The following MIB1 variants were observed in gnomAD, a reference collection of about 807,000 sequenced individuals.
MIB1 encodes MIB E3 ubiquitin protein ligase 1.
In MIB1, 278 loss-of-function variants were observed where a neutral mutation model predicts 124.5. That is an observed-to-expected ratio of 2.23 (90% confidence interval 2.02 to 2.47). The LOEUF (loss-of-function observed/expected upper bound fraction) is 2.47. MIB1 is among the 30% of genes most tolerant of loss of function. MIB1 has a pLI of 0.00. For missense variants in MIB1, 957 were observed against 1,254.4 expected (o/e 0.76, Z 3.58); for synonymous variants, 446 against 429.4 (o/e 1.04, Z -0.48).
intron 20 of MIB1, among the ~76,000 whole-genome samples, chr18:21,863,222 C>G (rs546164926): frequency 4.9e-4 from 74 of 152,328 alleles, no homozygotes; most frequent in Middle Eastern, 6.8e-3. Flanking sequence ...AGAGTGCTCT[C>G]TTAGTTCTGC....
intron 4 of MIB1, among the ~76,000 whole-genome samples, chr18:21,774,324 C>T (rs962931289): frequency 2.6e-5 from 4 of 152,184 alleles, no homozygotes; most frequent in Non-Finnish European, 4.4e-5. Context: ...CACGGTGGCT[C>T]ACGCCTGTAA....
chr18:21,766,663 T>C (rs994353614), intron 2 of MIB1, among the ~76,000 whole-genome samples: 5 of 151,336 alleles, frequency 3.3e-5, no homozygotes, highest in Non-Finnish European at 7.4e-5. Context: ...ATCGTGCCAC[T>C]TATTAACTGA....
intron 4 of MIB1, among the ~76,000 whole-genome samples, chr18:21,774,838 A>G (rs1428612069): frequency 6.6e-6 from 1 of 150,430 alleles, no homozygotes; most frequent in Non-Finnish European, 1.5e-5. Context: ...TTTGAGGCAG[A>G]GTCTCGCTGT....
chr18:21,820,870 G>T (rs1568215010), intron 12 of MIB1, among the ~76,000 whole-genome samples: 1 of 152,172 alleles, frequency 6.6e-6, no homozygotes, highest in East Asian at 1.9e-4. Context: ...CTTGAGCAAG[G>T]TCTAGGTGAC....
At chr18:21,854,870 G>A (rs2042213314) in intron 18 of MIB1, 1 of 213,726 alleles carries the variant, frequency 4.7e-6, no homozygotes, top group East Asian at 1.0e-4. Context: ...TGCAGACATT[G>A]GTGCTTTCCC....
In MIB1 at chr18:21,765,868, GCA is replaced by G. The variant is rs1791024629; in HGVS notation, c.329_330del (p.Thr110SerfsTer7). The G allele has an allele frequency of 1.2e-6, 2 of 1,613,562 alleles. No individual in the cohort carries two copies. Among genetic ancestry groups the G allele is most frequent in the Non-Finnish European group, 1.7e-6 (2 of 1,179,584 alleles). ...GCAGAGTGTACAAATTATGATTTGT[GCA>G]CAGTGTGTTATCATGGAGATAAACA... On this transcript the variant is annotated frameshift_variant, in exon 2 of 21. Transcript: ENST00000261537. LOFTEE classifies it high-confidence loss of function.
At chr18:21,777,951 A>G (rs1031730633) in intron 4 of MIB1, 152 bp from the exon 5 acceptor site, 3 of 563,048 alleles carry the variant, frequency 5.3e-6, no homozygotes, top group Non-Finnish European at 9.4e-6. Context: ...TTTTACAAGT[A>G]CTTTTGAAAG....
At chr18:21,780,037 C>G (rs753129363) in intron 6 of MIB1, among the ~76,000 whole-genome samples, 3 of 152,184 alleles carry the variant, frequency 2.0e-5, no homozygotes, top group Non-Finnish European at 4.4e-5. Flanking sequence ...CTATATCAGT[C>G]TACCCTGAAT....
intron 1 of MIB1, among the ~76,000 whole-genome samples, chr18:21,710,026 TGAA>T (rs1173316592): frequency 6.6e-6 from 1 of 152,222 alleles, no homozygotes; most frequent in East Asian, 1.9e-4. Context: ...ACCTTTGTGA[TGAA>T]GAAACAAAGA....
chr18:21,814,223 T>C (rs1313961879), intron 10 of MIB1, among the ~76,000 whole-genome samples: 2 of 152,190 alleles, frequency 1.3e-5, no homozygotes, highest in Non-Finnish European at 2.9e-5. Flanking sequence ...GGAATTTTGG[T>C]AGTTTATGCT....
At chr18:21,779,772 C>A in intron 6 of MIB1, 87 bp downstream of exon 6, 2 of 1,026,164 alleles carry the variant, frequency 1.9e-6, no homozygotes, top group Non-Finnish European at 3.0e-6. Context: ...GTGATACAAC[C>A]AAATACTCAT....
intron 3 of MIB1, among the ~76,000 whole-genome samples, chr18:21,772,991 C>T (rs919306254): frequency 2.0e-5 from 3 of 152,090 alleles, no homozygotes; most frequent in Non-Finnish European, 1.5e-5. Context: ...TCTTGCCGGG[C>T]GTAGTGGCTC....
chr18:21,838,033 G>A (rs1373730681), intron 12 of MIB1, among the ~76,000 whole-genome samples: 2 of 152,010 alleles, frequency 1.3e-5, no homozygotes, highest in East Asian at 1.9e-4. Flanking sequence ...TTCCTCTTAG[G>A]TTTCCTCCTT....
intron 20 of MIB1, among the ~76,000 whole-genome samples, chr18:21,863,858 T>C (rs896617133): frequency 1.9e-4 from 29 of 151,772 alleles, no homozygotes; most frequent in African/African-American, 7.0e-4. Context: ...ACAAAAAAAT[T>C]AGCTGGGTGT....
At chr18:21,834,050 C>T (rs45478801) in intron 12 of MIB1, among the ~76,000 whole-genome samples, 2,415 of 152,226 alleles carry the variant, frequency 0.016, 38 homozygotes, top group East Asian at 0.068. Flanking sequence ...ACTCTACGGA[C>T]CTCAGTGCTT....
chr18:21,819,280 C>G (rs900472519), intron 11 of MIB1, among the ~76,000 whole-genome samples: 11 of 152,170 alleles, frequency 7.2e-5, no homozygotes, highest in Non-Finnish European at 1.2e-4. Flanking sequence ...CTCTGCTGAT[C>G]CTCCCGCCTC....
rs185526104 is a variant in MIB1, at chr18:21,854,425, C to T, written c.2665+1207C>T. Among the ~76,000 whole-genome samples, 6 of 152,228 alleles carry T rather than the reference C, an allele frequency of 3.9e-5. No homozygotes were observed. In the South Asian group the frequency reaches 6.2e-4, roughly 16 times the overall value. On this transcript the variant is annotated intron_variant, in intron 18 of 20. Coordinates refer to ENST00000261537, the MANE Select transcript of MIB1 (RefSeq NM_020774.4). ...ACTGGTCTCATAAAAGCAGATGACA[C>T]GTCAGATTTGGCCCTCAGGTGTAGT... is the stretch of plus-strand genomic sequence containing the variant.
intron 1 of MIB1, among the ~76,000 whole-genome samples, chr18:21,728,878 G>A (rs1237214061): frequency 6.6e-6 from 1 of 152,150 alleles, no homozygotes; most frequent in Non-Finnish European, 1.5e-5. Context: ...TCACTCTATT[G>A]TGGTATATAA....
intron 6 of MIB1, 22 bp from the exon 7 acceptor site, chr18:21,791,352 A>G (rs764397198): frequency 6.4e-7 from 1 of 1,564,514 alleles, no homozygotes. Context: ...ACCCATTTTG[A>G]GGTTTAGCTT....
Sources: gnomAD v4.1 joint callset for allele counts (sites outside exome capture counted in the v4.1 genomes callset) on GRCh38, gnomAD v4.1.1 for gene constraint, MANE v1.5 for transcripts, NCBI Gene and HGNC (gene_info 2026-07-23, HGNC 2026-07-21) for gene names.